Variants in BRD3 observed in about 807,000 individuals in gnomAD.
The protein encoded by BRD3 is bromodomain containing 3, also known as bromodomain-containing protein 3.
In BRD3, 17 loss-of-function variants were observed where a neutral mutation model predicts 66.8. The ratio of observed to expected loss-of-function variants is 0.25; its 90% CI spans 0.17 to 0.38. The LOEUF is 0.38. Among genes scored for constraint, BRD3 ranks in the 10% least tolerant of loss-of-function variants. BRD3 has a pLI of 1.00. For missense variants in BRD3, 713 were observed against 956.1 expected, an observed-to-expected ratio of 0.75 and a Z score of 3.35; for synonymous variants, 421 against 393.2, an observed-to-expected ratio of 1.07 and a Z score of -0.84.
At chr9:134,062,700 G>A (rs1282642445) in intron 1 of BRD3, among the ~76,000 whole-genome samples, 1 of 152,134 alleles carries the variant, frequency 6.6e-6, no homozygotes, top group Non-Finnish European at 1.5e-5. Flanking sequence ...GAGGAGGCCC[G>A]ACCCTCCACA....
At chr9:134,064,980 T>G (rs1234988812) in intron 1 of BRD3, among the ~76,000 whole-genome samples, 1 of 152,240 alleles carries the variant, frequency 6.6e-6, no homozygotes, top group African/African-American at 2.4e-5. Context: ...GTGCATCTCT[T>G]CTGCTCCAAC....
chr9:134,065,013 C>T (rs1010002444), intron 1 of BRD3, among the ~76,000 whole-genome samples: 2 of 152,250 alleles, frequency 1.3e-5, no homozygotes, highest in African/African-American at 4.8e-5. Context: ...CCACAGGGGT[C>T]GGGAAGGCCC....
chr9:134,043,687 T>C (rs572176047), intron 7 of BRD3, among the ~76,000 whole-genome samples: 6 of 152,214 alleles, frequency 3.9e-5, no homozygotes, highest in African/African-American at 1.4e-4. Flanking sequence ...AATTGCTAAA[T>C]AGTGCTCAGT....
At position 134,037,300 on chromosome 9, in the gene BRD3, G is replaced by A. The variant is rs563945809; in HGVS notation, c.1644-976C>T. On this transcript the variant is annotated intron_variant, in intron 9 of 11. Transcript: ENST00000303407. ...AAAAGGACAACGCAGGGCTGGGCGC[G>A]GTGGCTCACGCCTATAATCCCAGCA... 8.3e-4 allele frequency among the ~76,000 whole-genome samples: 126 copies of A among 152,320 alleles called. 1 individual carries two copies. The South Asian group carries it at 0.016, about 19-fold the overall frequency.
At chr9:134,046,369 G>A (rs1830166921) in intron 6 of BRD3, among the ~76,000 whole-genome samples, 1 of 152,222 alleles carries the variant, frequency 6.6e-6, no homozygotes, top group Non-Finnish European at 1.5e-5. Context: ...GACCTCGAGG[G>A]ACGACACACG....
intron 1 of BRD3, among the ~76,000 whole-genome samples, chr9:134,063,569 C>T (rs577742099): frequency 8.2e-4 from 125 of 152,314 alleles, no homozygotes; most frequent in African/African-American, 2.8e-3. Context: ...CTACAATACT[C>T]AGCACTCCTG....
chr9:134,054,646 T>C (rs913035626), intron 1 of BRD3, among the ~76,000 whole-genome samples: 22 of 152,208 alleles, frequency 1.4e-4, no homozygotes, highest in Non-Finnish European at 2.8e-4. Context: ...GCAGCAGCTC[T>C]GCCATGGGAG....
chr9:134,051,044 T>C (rs1445618904), intron 4 of BRD3, among the ~76,000 whole-genome samples: 1 of 152,110 alleles, frequency 6.6e-6, no homozygotes, highest in East Asian at 1.9e-4. Context: ...AGACAACACC[T>C]GCATGCCGGG....
chr9:134,032,962 A>G lies in BRD3; in HGVS notation c.*628T>C. On this transcript the variant is annotated 3_prime_UTR_variant, in exon 12 of 12. Transcript: ENST00000303407. ...CTCTGTTCCCTCCGAGGAGCTCCTG[A>G]CATCACCACGAGCGGAGAACGCACA... 1 of 394,098 alleles carries G rather than the reference A, an allele frequency of 2.5e-6. No homozygotes were observed. Among genetic ancestry groups the G allele is most frequent in the Non-Finnish European group, 4.5e-6 (1 of 224,310 alleles). The allele number at this position is 394,098 out of a possible 1,614,324, so 24.4% of individuals were successfully genotyped here. A position where few individuals can be genotyped will look rare whatever the true frequency, so the allele number is the denominator to read the frequency against.
intron 1 of BRD3, chr9:134,056,774 G>A (rs1038936543): frequency 6.6e-6 from 1 of 152,300 alleles, no homozygotes; most frequent in Admixed American, 6.5e-5. Context: ...AGTCCCAGTG[G>A]GGAGGGAGGG....
At chr9:134,040,367 G>A in intron 8 of BRD3, 98 bp from the exon 9 acceptor site, 1 of 1,385,932 alleles carries the variant, frequency 7.2e-7, no homozygotes, top group Non-Finnish European at 9.7e-7. Context: ...GGCGATGTCG[G>A]AGCTGCCTCA....
In BRD3 at chr9:134,033,481, A is replaced by AAT. The variant is rs1843546783; in HGVS notation, c.*108_*109insAT. 2 of 610,196 alleles carry AAT rather than the reference A, an allele frequency of 3.3e-6. No individual in the cohort carries two copies. Among genetic ancestry groups the AAT allele is most frequent in the African/African-American group, 3.7e-5 (2 of 54,332 alleles). The allele number at this position is 610,196 out of a possible 1,614,324, so 37.8% of individuals were successfully genotyped here. On this transcript the variant is annotated 3_prime_UTR_variant, in exon 12 of 12. Transcript: ENST00000303407. This position sits in a 1 kb window ranked among gnomAD's most constrained non-coding sequence, Gnocchi z 5.1. Reference sequence around the variant, plus strand: ...GAAGATATCATAACACTGAATTAAGAAGCAGACCTGCACACCATGGAACAG... The same window carrying AAT: ...GAAGATATCATAACACTGAATTAAGAATAGCAGACCTGCACACCATGGAACAG...
At chr9:134,043,312 C>A (rs1217083843) in intron 7 of BRD3, among the ~76,000 whole-genome samples, 2 of 152,206 alleles carry the variant, frequency 1.3e-5, no homozygotes, top group African/African-American at 4.8e-5. Context: ...GGACCAGGAC[C>A]TAGGCCCTCC....
At chr9:134,065,879 G>A (rs995947831) in intron 1 of BRD3, among the ~76,000 whole-genome samples, 1 of 152,184 alleles carries the variant, frequency 6.6e-6, no homozygotes, top group Non-Finnish European at 1.5e-5. Context: ...GGTAGAGGAA[G>A]GTAGCACCGG....
rs1830578110 is a variant in BRD3, at chr9:134,063,084, C to T, written c.-114+4861G>A. Reference sequence around the variant, plus strand: ...CAGGCCTGGCCTCACTGCTGTCCCACTCAGCCATGCCGAGCCAGGACAAGG... The same window carrying T: ...CAGGCCTGGCCTCACTGCTGTCCCATTCAGCCATGCCGAGCCAGGACAAGG... On this transcript the variant is annotated intron_variant, in intron 1 of 11. Coordinates refer to ENST00000303407, the MANE Select transcript of BRD3 (RefSeq NM_007371.4). Among the ~76,000 whole-genome samples the T allele has an allele frequency of 3.9e-5, 6 of 152,370 alleles. No individual in the cohort carries two copies. The South Asian group carries it at 1.2e-3, about 32-fold the overall frequency.
At chr9:134,042,646 TACAC>T (rs149487771) in intron 7 of BRD3, among the ~76,000 whole-genome samples, 208 of 134,820 alleles carry the variant, frequency 1.5e-3, no homozygotes, top group South Asian at 8.1e-3. Context: ...CAAATATATA[TACAC>T]ACACACACAC....
At position 134,030,774 on chromosome 9, in the gene BRD3, C is replaced by T; in HGVS notation, c.*2816G>A. The stretch of plus-strand genomic sequence containing the variant: ...ACAGTTTGTAAGCAAGATGACACTG[C>T]CCAACACAAAGAGGGGTCTGGAGTT... On this transcript the variant is annotated 3_prime_UTR_variant, in exon 12 of 12. Coordinates refer to ENST00000303407, the MANE Select transcript of BRD3 (RefSeq NM_007371.4). 4.3e-6 allele frequency: 1 copy of T among 232,088 alleles called. No homozygotes were observed. The highest frequency in any genetic ancestry group is 8.5e-6 in the Non-Finnish European group (1 of 117,296). 14.4% of individuals were successfully genotyped at this position (232,088 alleles called of 1,614,324 possible).
chr9:134,056,079 A>C (rs1402372954), intron 1 of BRD3: 1 of 152,284 alleles, frequency 6.6e-6, no homozygotes. Flanking sequence ...GCAAGGCAGA[A>C]GGAGGGGCGC....
chr9:134,037,896 T>C (rs563845488), intron 9 of BRD3, among the ~76,000 whole-genome samples: 7 of 152,224 alleles, frequency 4.6e-5, no homozygotes, highest in Non-Finnish European at 1.0e-4. Context: ...AATAGACTTA[T>C]GTCCATAAGT....
Sources: gnomAD v4.1 joint callset for allele counts (sites outside exome capture counted in the v4.1 genomes callset) on GRCh38, gnomAD v4.1.1 for gene constraint, Gnocchi (gnomAD v3.1) non-coding constraint, MANE v1.5 for transcripts, NCBI Gene and HGNC (gene_info 2026-07-23, HGNC 2026-07-21) for gene names.